HDAC4: variants seen among roughly 807,000 people sequenced by gnomAD.
HDAC4 encodes histone deacetylase 4, also known as histone deacetylase A.
Under a neutral mutation model 135.1 loss-of-function variants are expected in HDAC4, and 16 were observed. The observed-to-expected ratio is 0.12, with a 90% CI of 0.08 to 0.18. HDAC4 has a LOEUF of 0.18. Among genes scored for constraint, HDAC4 ranks in the 10% least tolerant of loss-of-function variants. HDAC4 has a pLI of 1.00. For missense variants in HDAC4, 1,143 were observed against 1,511.8 expected (o/e 0.76, Z 4.05); for synonymous variants, 685 against 653.4 (o/e 1.05, Z -0.74).
chr2:239,335,445 T>C (rs1691865856), intron 2 of HDAC4, among the ~76,000 whole-genome samples: 1 of 140,986 alleles, frequency 7.1e-6, no homozygotes, highest in Non-Finnish European at 1.5e-5. Flanking sequence ...ATATAGAATA[T>C]CTTCAAATAG....
At chr2:239,328,021 C>T (rs1020352390) in intron 2 of HDAC4, among the ~76,000 whole-genome samples, 1 of 152,244 alleles carries the variant, frequency 6.6e-6, no homozygotes, top group Admixed American at 6.5e-5. Flanking sequence ...GCACATCCCT[C>T]CACATCTGCC....
chr2:239,103,764 C>T (rs1388894995), intron 15 of HDAC4, among the ~76,000 whole-genome samples: 5 of 152,250 alleles, frequency 3.3e-5, no homozygotes, highest in Non-Finnish European at 5.9e-5. Context: ...GGGCGAAGCT[C>T]GAGGGCTCTC....
rs921054416 is a variant in HDAC4, at chr2:239,167,760, A to G, written c.491-3837T>C. On this transcript the variant is annotated intron_variant, in intron 5 of 26. Coordinates refer to ENST00000543185, the MANE Select transcript of HDAC4 (RefSeq NM_001378414.1). This position sits in a 1 kb window ranked among gnomAD's most constrained non-coding sequence, Gnocchi z 4.1. ...TTTTTTTTCTTAATTCACATTGAGTATCACTCATCCCCTGCATGGAGGCTT... is the reference window on the plus strand; with the variant it reads ...TTTTTTTTCTTAATTCACATTGAGTGTCACTCATCCCCTGCATGGAGGCTT... 4.0e-5 allele frequency among the ~76,000 whole-genome samples: 6 copies of G among 150,000 alleles called. 1 individual carries two copies. Among genetic ancestry groups the G allele is most frequent in the Non-Finnish European group, 8.9e-5 (6 of 67,736 alleles).
At chr2:239,365,506 A>G (rs1222490226) in intron 1 of HDAC4, among the ~76,000 whole-genome samples, 1 of 152,254 alleles carries the variant, frequency 6.6e-6, no homozygotes, top group Non-Finnish European at 1.5e-5. Context: ...AAGATCAGAT[A>G]CCAAGAGGAT....
At chr2:239,238,687 C>T (rs1290372401) in intron 2 of HDAC4, among the ~76,000 whole-genome samples, 3 of 152,176 alleles carry the variant, frequency 2.0e-5, no homozygotes, top group Non-Finnish European at 2.9e-5. Context: ...GCCCAAAAGG[C>T]GGATCCCTCC....
At chr2:239,327,977 C>T (rs1467224056) in intron 2 of HDAC4, among the ~76,000 whole-genome samples, 1 of 152,224 alleles carries the variant, frequency 6.6e-6, no homozygotes, top group Non-Finnish European at 1.5e-5. Context: ...TCTGTACAGG[C>T]CCATGCCTGG....
At chr2:239,203,733 C>T (rs2045893368) in intron 3 of HDAC4, among the ~76,000 whole-genome samples, 1 of 152,186 alleles carries the variant, frequency 6.6e-6, no homozygotes, top group African/African-American at 2.4e-5. Flanking sequence ...CCCTCACCCC[C>T]AGCCCTGGCT....
chr2:239,277,825 A>G (rs1027758929), intron 2 of HDAC4, among the ~76,000 whole-genome samples: 7 of 152,178 alleles, frequency 4.6e-5, no homozygotes, highest in African/African-American at 1.7e-4. Flanking sequence ...AGCAGTTCCT[A>G]CTACTCAGGT....
intron 7 of HDAC4, among the ~76,000 whole-genome samples, chr2:239,152,246 T>C (rs921037965): frequency 6.6e-6 from 1 of 152,248 alleles, no homozygotes; most frequent in Non-Finnish European, 1.5e-5. Flanking sequence ...TGAAGCCATC[T>C]GACACCCACA....
At chr2:239,181,313 C>T (rs1204697476) in intron 4 of HDAC4, among the ~76,000 whole-genome samples, 1 of 152,204 alleles carries the variant, frequency 6.6e-6, no homozygotes, top group Non-Finnish European at 1.5e-5. Context: ...CAAGACCCTA[C>T]CCAGGCAGGT....
At chr2:239,278,934 G>A (rs1454739613) in intron 2 of HDAC4, among the ~76,000 whole-genome samples, 1 of 152,150 alleles carries the variant, frequency 6.6e-6, no homozygotes, top group South Asian at 2.1e-4. Context: ...CCAAGAGCTC[G>A]AGGCCAGCCT....
chr2:239,258,346 C>CA (rs113799704), intron 2 of HDAC4, among the ~76,000 whole-genome samples: 9 of 143,672 alleles, frequency 6.3e-5, no homozygotes, highest in African/African-American at 2.3e-4. Context: ...GGACCCTGGC[C>CA]AAGAACTACC....
intron 7 of HDAC4, 27 bp downstream of exon 7, chr2:239,156,625 C>T (rs201034140): frequency 5.9e-5 from 96 of 1,613,780 alleles, no homozygotes; most frequent in Middle Eastern, 1.6e-4. Flanking sequence ...GGAGACCTCC[C>T]GGCCCACAGC....
chr2:239,365,426 T>C (rs1022568268), intron 1 of HDAC4, among the ~76,000 whole-genome samples: 2 of 152,248 alleles, frequency 1.3e-5, no homozygotes. Flanking sequence ...CAAAACAGGC[T>C]CTGCTGAGCT....
intron 7 of HDAC4, among the ~76,000 whole-genome samples, chr2:239,149,960 C>A (rs556906049): frequency 3.9e-5 from 6 of 152,138 alleles, no homozygotes; most frequent in African/African-American, 1.2e-4. Context: ...TTTTCAGGAA[C>A]CTTTCCTACA....
At chr2:239,311,001 G>C (rs1394903208) in intron 2 of HDAC4, among the ~76,000 whole-genome samples, 2 of 152,216 alleles carry the variant, frequency 1.3e-5, no homozygotes, top group Non-Finnish European at 2.9e-5. Flanking sequence ...AAACTGCAGA[G>C]AGCGCCTTTT....
chr2:239,198,989 G>A (rs1217356140), intron 3 of HDAC4, among the ~76,000 whole-genome samples: 1 of 152,206 alleles, frequency 6.6e-6, no homozygotes, highest in African/African-American at 2.4e-5. Context: ...GAAGTAGCCA[G>A]AAAGTGTCCC....
intron 2 of HDAC4, among the ~76,000 whole-genome samples, chr2:239,342,789 C>A (rs1692372128): frequency 6.6e-6 from 1 of 152,086 alleles, no homozygotes; most frequent in Non-Finnish European, 1.5e-5. Flanking sequence ...ACAAAGCCAC[C>A]ATAAGCCAGC....
intron 1 of HDAC4, among the ~76,000 whole-genome samples, chr2:239,371,221 A>C (rs1281921099): frequency 6.6e-6 from 1 of 152,226 alleles, no homozygotes; most frequent in Non-Finnish European, 1.5e-5. Flanking sequence ...CAAGGAGTCC[A>C]ACATATAAAC....
Sources: allele counts gnomAD v4.1 joint callset (sites outside exome capture counted in the v4.1 genomes callset), GRCh38; gene constraint gnomAD v4.1.1; non-coding constraint Gnocchi (gnomAD v3.1); transcripts MANE v1.5; gene names NCBI Gene and HGNC (gene_info 2026-07-23, HGNC 2026-07-21).